Variants in POLR2B observed in about 807,000 individuals in gnomAD.
POLR2B encodes the protein RNA polymerase II subunit B.
POLR2B carries 57 observed loss-of-function variants against 144.6 expected under a neutral mutation model. The ratio of observed to expected loss-of-function variants is 0.39; its 90% CI spans 0.32 to 0.49. The LOEUF (loss-of-function observed/expected upper bound fraction) is 0.49, where lower values mean the gene tolerates loss of function less well. Among genes scored for constraint, POLR2B ranks in the 20% least tolerant of loss-of-function variants. The probability of loss-of-function intolerance (pLI) is 0.83; values close to 1 mark genes in which losing one functional copy is unlikely to be tolerated. For missense variants in POLR2B, 595 were observed against 1,467.4 expected (o/e 0.41, Z 9.71); for synonymous variants, 442 against 469.8 (o/e 0.94, Z 0.77).
chr4:57,029,690 A>G (rs1435187844), intron 23 of POLR2B, among the ~76,000 whole-genome samples: 2 of 152,196 alleles, frequency 1.3e-5, no homozygotes, highest in African/African-American at 4.8e-5. Flanking sequence ...TGGGACAGTC[A>G]TTCCATTGAC....
In POLR2B at chr4:57,010,989, T is replaced by C. The variant is rs1723171666; in HGVS notation, c.1689T>C (p.Asp563=). 6.2e-7 allele frequency: 1 copy of C among 1,613,140 alleles called. No homozygotes were observed. The highest frequency in any genetic ancestry group is 8.5e-7 in the Non-Finnish European group (1 of 1,179,038). The part of the protein sequence containing the change: ...LEEISPAAIA[D]ATKIFVNGCW... ...AAATGCTTTTGCTTTTTCATTGTAGTGCAACCAAGATTTTTGTTAATGGCT... is the reference window on the plus strand; with the variant it reads ...AAATGCTTTTGCTTTTTCATTGTAGCGCAACCAAGATTTTTGTTAATGGCT... The change falls in exon 13 of 25, where the codon GAT becomes GAC. Residue 563 remains aspartate, a splice_region_variant and synonymous_variant. Coordinates refer to ENST00000314595, the MANE Select transcript of POLR2B (RefSeq NM_000938.3).
At chr4:56,988,503 T>G (rs990913382) in intron 2 of POLR2B, among the ~76,000 whole-genome samples, 13 of 150,730 alleles carry the variant, frequency 8.6e-5, no homozygotes, top group African/African-American at 3.2e-4. Context: ...GTCTATCTCT[T>G]TTTTTTTTAA....
Position 56,979,003 on chromosome 4 carries a change from G to C in POLR2B, c.18G>C (p.Glu6Asp). The C allele has an allele frequency of 1.2e-6, 2 of 1,613,662 alleles. No homozygotes were observed. Among genetic ancestry groups the C allele is most frequent in the Non-Finnish European group, 1.7e-6 (2 of 1,179,800 alleles). Residue 6 changes from glutamate to aspartate, a missense_variant and splice_region_variant, in exon 1 of 25, where the codon GAG becomes GAC. This residue lies in a region of POLR2B where 25 missense variants were observed against 26.1 expected (regional missense o/e 0.96). Coordinates refer to ENST00000314595, the MANE Select transcript of POLR2B (RefSeq NM_000938.3). ...TTGGCAATATGTACGACGCGGATGA[G>C]GGTAGGTGAACGCTCAAAACACACG... The part of the protein sequence containing the change: MYDAD[E>D]DMQYDEDDDE...
intron 11 of POLR2B, 81 bp from the exon 12 acceptor site, chr4:57,010,667 C>A: frequency 7.2e-7 from 1 of 1,383,616 alleles, no homozygotes; most frequent in Non-Finnish European, 9.9e-7. Flanking sequence ...CTTGAAATCA[C>A]ATTGAAGGAA....
Position 57,020,895 on chromosome 4 carries a change from G to A in POLR2B, c.2324-4G>A. 6.7e-7 allele frequency: 1 copy of A among 1,501,704 alleles called. No individual in the cohort carries two copies. The highest frequency in any genetic ancestry group is 9.3e-7 in the Non-Finnish European group (1 of 1,077,386). The allele number at this position is 1,501,704 out of a possible 1,614,324, so 93.0% of individuals were successfully genotyped here. A position where few individuals can be genotyped will look rare whatever the true frequency, so the allele number is the denominator to read the frequency against. On this transcript the variant is annotated splice_polypyrimidine_tract_variant and splice_region_variant and intron_variant, in intron 16 of 24. Transcript: ENST00000314595. ...TTTAATGTATGCTCTTAAATTCACT[G>A]CAGGCATCAACTCAATTGTGGCCAT...
chr4:56,994,490 C>T lies in POLR2B; in HGVS notation c.330C>T (p.Pro110=), dbSNP rs1260735293. The change falls in exon 4 of 25, where the codon CCC becomes CCT. Residue 110 remains proline, a synonymous_variant. Coordinates refer to ENST00000314595, the MANE Select transcript of POLR2B (RefSeq NM_000938.3). ...ERDGAPSPMM[P]NEARLRNLTY... ...ATGGTGCTCCTTCACCAATGATGCCCAATGAAGCTAGATTAAGGAATCTCA... is the reference window on the plus strand; with the variant it reads ...ATGGTGCTCCTTCACCAATGATGCCTAATGAAGCTAGATTAAGGAATCTCA... 6.3e-7 allele frequency: 1 copy of T among 1,596,936 alleles called. No individual in the cohort carries two copies. Among genetic ancestry groups the T allele is most frequent in the South Asian group, 1.1e-5 (1 of 90,630 alleles).
At chr4:57,001,548 A>G (rs1413800811) in intron 7 of POLR2B, among the ~76,000 whole-genome samples, 1 of 152,360 alleles carries the variant, frequency 6.6e-6, no homozygotes, top group Admixed American at 6.5e-5. Context: ...TGTTTTTCAC[A>G]TATTTCCCCA....
At chr4:56,992,387 C>G (rs911323446) in intron 3 of POLR2B, among the ~76,000 whole-genome samples, 1 of 120,490 alleles carries the variant, frequency 8.3e-6, no homozygotes, top group Non-Finnish European at 1.6e-5. Context: ...ATTGCTTGAA[C>G]GTGGGAGACG....
intron 7 of POLR2B, among the ~76,000 whole-genome samples, chr4:57,004,377 C>T (rs1404520499): frequency 2.2e-4 from 30 of 137,764 alleles, no homozygotes; most frequent in Non-Finnish European, 3.9e-4. Context: ...TTTTTACATC[C>T]AGGGTACACG....
intron 2 of POLR2B, among the ~76,000 whole-genome samples, chr4:56,988,975 G>T (rs1722421790): frequency 6.6e-6 from 1 of 152,162 alleles, no homozygotes; most frequent in South Asian, 2.1e-4. Context: ...TAAATTATTT[G>T]ATTTTTAAGT....
At chr4:56,997,071 T>C (rs1722714259) in intron 6 of POLR2B, among the ~76,000 whole-genome samples, 1 of 151,610 alleles carries the variant, frequency 6.6e-6, no homozygotes, top group Non-Finnish European at 1.5e-5. Context: ...CCAGCGTGGG[T>C]GACAGAGCCA....
At chr4:56,992,245 C>T (rs1052770112) in intron 3 of POLR2B, among the ~76,000 whole-genome samples, 3 of 151,642 alleles carry the variant, frequency 2.0e-5, no homozygotes, top group Admixed American at 6.6e-5. Flanking sequence ...GGCAGATCAC[C>T]TGAGCTCAAG....
chr4:56,990,826 AAT>A lies in POLR2B; in HGVS notation c.172_173del (p.Ile58CysfsTer12). 1 of 1,613,800 alleles carries A rather than the reference AAT, an allele frequency of 6.2e-7. No individual in the cohort carries two copies. Among genetic ancestry groups the A allele is most frequent in the Non-Finnish European group, 8.5e-7 (1 of 1,179,746 alleles). ...AGTTTATTCAGATGTCTGTTCAAAG[AAT>A]TGTGGAAGACGCTCCTCCTATAGAC... is the stretch of plus-strand genomic sequence containing the variant. The part of the protein sequence containing the change: ...DEFIQMSVQR[I>X]VEDAPPIDLQ... On this transcript the variant is annotated frameshift_variant, in exon 3 of 25. Transcript: ENST00000314595. LOFTEE classifies it high-confidence loss of function.
chr4:57,010,969 CT>C lies in POLR2B; in HGVS notation c.1689-16del, dbSNP rs1300892428. 1.9e-6 allele frequency: 3 copies of C among 1,606,086 alleles called. No homozygotes were observed. In the South Asian group the frequency reaches 3.3e-5, roughly 18 times the overall value. ...GTATAGAATTGTTAAGTGTAAAATG[CT>C]TTTGCTTTTTCATTGTAGTGCAACC... On this transcript the variant is annotated intron_variant, in intron 12 of 24. Coordinates refer to ENST00000314595, the MANE Select transcript of POLR2B (RefSeq NM_000938.3).
intron 10 of POLR2B, chr4:57,010,127 T>C: frequency 2.4e-6 from 1 of 423,502 alleles, no homozygotes; most frequent in Non-Finnish European, 4.2e-6. Context: ...GTCCTAGTGT[T>C]TGTTTGGAGA....
chr4:57,014,473 G>T (rs1723301247), intron 13 of POLR2B, among the ~76,000 whole-genome samples: 1 of 149,692 alleles, frequency 6.7e-6, no homozygotes, highest in Non-Finnish European at 1.5e-5. Flanking sequence ...GGGATTACTG[G>T]CATGAGCCAC....
intron 10 of POLR2B, among the ~76,000 whole-genome samples, chr4:57,008,021 A>T (rs1723075478): frequency 6.6e-6 from 1 of 152,122 alleles, no homozygotes; most frequent in African/African-American, 2.4e-5. Flanking sequence ...TAATTCAGTA[A>T]GGATTTATTG....
chr4:57,000,896 G>C (rs1578570254), intron 7 of POLR2B, among the ~76,000 whole-genome samples: 1 of 151,914 alleles, frequency 6.6e-6, no homozygotes, highest in South Asian at 2.1e-4. Flanking sequence ...GGGTTTCACT[G>C]TGTTGGCCAG....
rs1367230060 is a variant in POLR2B at position 57,025,093 on chromosome 4, C to T, written c.3078+94C>T. 6 of 673,106 alleles carry T rather than the reference C, an allele frequency of 8.9e-6. No individual in the cohort carries two copies. In the Admixed American group the frequency reaches 1.6e-4, roughly 18 times the overall value. The allele number at this position is 673,106 out of a possible 1,614,324, so 41.7% of individuals were successfully genotyped here. A position where few individuals can be genotyped will look rare whatever the true frequency, so the allele number is the denominator to read the frequency against. ...ACAATGTAACCTTTTATTGAAGTAT[C>T]ATATGTGCACATATAGAAATGTACA... On this transcript the variant is annotated intron_variant, in intron 22 of 24. Transcript: ENST00000314595.
Sources: gnomAD v4.1 joint callset for allele counts (sites outside exome capture counted in the v4.1 genomes callset) on GRCh38, gnomAD v4.1.1 for gene constraint, gnomAD v4.1.1 regional missense constraint, MANE v1.5 for transcripts, NCBI Gene and HGNC (gene_info 2026-07-23, HGNC 2026-07-21) for gene names.